The following RPS6KA2 variants were observed in gnomAD, a reference collection of about 807,000 sequenced individuals.
RPS6KA2 encodes ribosomal protein S6 kinase alpha-2.
A neutral mutation model predicts 91.8 loss-of-function variants in RPS6KA2; 42 were observed. That is an observed-to-expected ratio of 0.46 (90% CI 0.36 to 0.59). The LOEUF is 0.59. Among genes scored for constraint, RPS6KA2 ranks in the 20% least tolerant of loss-of-function variants. The probability of loss-of-function intolerance (pLI) is 0.00; values close to 1 mark genes in which losing one functional copy is unlikely to be tolerated. For missense variants in RPS6KA2, 798 were observed against 978.5 expected (o/e 0.82, Z 2.46); for synonymous variants, 414 against 393.6 (o/e 1.05, Z -0.61).
intron 2 of RPS6KA2, among the ~76,000 whole-genome samples, chr6:166,716,295 G>A (rs1272691988): frequency 5.3e-5 from 8 of 152,078 alleles, no homozygotes; most frequent in Admixed American, 2.0e-4. Flanking sequence ...TAAGCTATGC[G>A]GACATTTAAG....
rs567116867 is a variant in RPS6KA2 at position 166,725,359 on chromosome 6, G to A, written c.123+132841C>T. On this transcript the variant is annotated intron_variant, in intron 2 of 21. Transcript: ENST00000503859. The stretch of plus-strand genomic sequence containing the variant: ...TTTTTCTCTTTAAAAATTCCATTTG[G>A]GAACAAAATGTAAATATTATAATGA... Among the ~76,000 whole-genome samples the A allele has an allele frequency of 2.6e-5, 4 of 152,228 alleles. No individual in the cohort carries two copies. In the South Asian group the frequency reaches 8.3e-4, roughly 32 times the overall value.
chr6:166,718,390 C>G (rs970213037), intron 2 of RPS6KA2, among the ~76,000 whole-genome samples: 1 of 152,094 alleles, frequency 6.6e-6, no homozygotes, highest in Non-Finnish European at 1.5e-5. Context: ...TTCCAAGGCA[C>G]CCCTAAACTA....
chr6:166,414,239 C>T (rs1390148274), intron 19 of RPS6KA2, among the ~76,000 whole-genome samples: 1 of 152,178 alleles, frequency 6.6e-6, no homozygotes, highest in Non-Finnish European at 1.5e-5. Context: ...TTTCTTGTAA[C>T]AATTATATCT....
At chr6:166,442,207 C>T (rs1562496006) in intron 14 of RPS6KA2, among the ~76,000 whole-genome samples, 1 of 152,236 alleles carries the variant, frequency 6.6e-6, no homozygotes, top group South Asian at 2.1e-4. Flanking sequence ...GAAGCCCAGC[C>T]TTACTGCCCA....
chr6:166,544,418 G>T lies in RPS6KA2; in HGVS notation c.100-5634C>A, dbSNP rs566307024. 3.9e-5 allele frequency among the ~76,000 whole-genome samples: 6 copies of T among 152,250 alleles called. No homozygotes were observed. In the East Asian group the frequency reaches 7.7e-4, roughly 20 times the overall value. On this transcript the variant is annotated intron_variant, in intron 1 of 20. Coordinates refer to ENST00000265678, the MANE Select transcript of RPS6KA2 (RefSeq NM_021135.6). ...CGGCACGACTCCTGATAGCTCGTGG[G>T]TCCTCGGCCTTTGGTTACCAGGAAA...
rs1779818536 is a variant in RPS6KA2 at position 166,449,954 on chromosome 6, TACAGGGACCACCATGGAGACCACC to T, written c.1206+1125_1207-1106del. Among the ~76,000 whole-genome samples the T allele has an allele frequency of 8.8e-5, 12 of 136,484 alleles. No homozygotes were observed. The South Asian group carries it at 2.9e-3, about 33-fold the overall frequency. 89.5% of individuals were successfully genotyped at this position (136,484 alleles called of 152,430 possible). The stretch of plus-strand genomic sequence containing the variant: ...CCACAGGGACCACCACAGGAACCAC[TACAGGGACCACCATGGAGACCACC>T]ACAGGGACCGCCATGGGAACCACCA... On this transcript the variant is annotated intron_variant, in intron 13 of 20. Transcript: ENST00000265678.
intron 2 of RPS6KA2, among the ~76,000 whole-genome samples, chr6:166,831,350 T>C (rs1415519297): frequency 1.3e-5 from 2 of 152,168 alleles, no homozygotes; most frequent in Admixed American, 1.3e-4. Flanking sequence ...AGGTCCACAG[T>C]GGGTCCGTGG....
At chr6:166,658,216 G>A (rs1788056303) in intron 2 of RPS6KA2, among the ~76,000 whole-genome samples, 1 of 152,106 alleles carries the variant, frequency 6.6e-6, no homozygotes, top group Non-Finnish European at 1.5e-5. Context: ...ATTTGTGTTG[G>A]GGGTGGCACC....
intron 2 of RPS6KA2, among the ~76,000 whole-genome samples, chr6:166,799,937 A>G (rs1779320592): frequency 6.6e-6 from 1 of 152,130 alleles, no homozygotes; most frequent in South Asian, 2.1e-4. Context: ...CCCCAGTAAC[A>G]GGTCATGGCT....
rs1790584613 is a variant in RPS6KA2 at position 166,733,267 on chromosome 6, CA to C, written c.123+124932del. Among the ~76,000 whole-genome samples, 1 of 152,326 alleles carries C rather than the reference CA, an allele frequency of 6.6e-6. No individual in the cohort carries two copies. The highest frequency in any genetic ancestry group is 1.5e-5 in the Non-Finnish European group (1 of 68,022). On this transcript the variant is annotated intron_variant, in intron 2 of 21. Coordinates refer to the RPS6KA2 transcript ENST00000503859. The surrounding 1 kb of genome is among the most constrained non-coding windows in gnomAD (Gnocchi z 4.1). The stretch of plus-strand genomic sequence containing the variant: ...AGAGTCCTGTGGACGGCACTGTTCC[CA>C]AAGTCACAGACCCTTTATGGACATG...
intron 1 of RPS6KA2, among the ~76,000 whole-genome samples, chr6:166,543,035 A>C (rs1291006964): frequency 1.3e-5 from 2 of 152,188 alleles, no homozygotes; most frequent in African/African-American, 4.8e-5. Flanking sequence ...AATGTGGAAA[A>C]GAACGTATCT....
chr6:166,492,254 G>C (rs1781614453), intron 8 of RPS6KA2, among the ~76,000 whole-genome samples: 1 of 152,060 alleles, frequency 6.6e-6, no homozygotes, highest in Non-Finnish European at 1.5e-5. Flanking sequence ...GTAAGTGAGG[G>C]AACTCAGAGC....
At chr6:166,746,537 T>C (rs1248166273) in intron 2 of RPS6KA2, among the ~76,000 whole-genome samples, 1 of 152,228 alleles carries the variant, frequency 6.6e-6, no homozygotes, top group Non-Finnish European at 1.5e-5. Flanking sequence ...TGTCCTTTAA[T>C]TCAATTCGAA....
intron 1 of RPS6KA2, among the ~76,000 whole-genome samples, chr6:166,559,329 T>C (rs1342342887): frequency 3.3e-5 from 5 of 152,106 alleles, no homozygotes; most frequent in African/African-American, 1.2e-4. Flanking sequence ...CAGGAGAAAA[T>C]ACATGGGTAG....
chr6:166,636,112 G>A (rs1787233904), intron 2 of RPS6KA2, among the ~76,000 whole-genome samples: 1 of 151,952 alleles, frequency 6.6e-6, no homozygotes, highest in Non-Finnish European at 1.5e-5. Flanking sequence ...ACCACCTACC[G>A]CCCATCCCGC....
rs575301968 is a variant in RPS6KA2, at chr6:166,500,978, C to A, written c.567-54G>T. ...TTTAGAAAGAGACCCAGCCTGCCGA[C>A]GGGCACGCAGAGCTCAGAGGAGAGC... On this transcript the variant is annotated intron_variant, in intron 6 of 20. Transcript: ENST00000265678. The surrounding 1 kb of genome is among the most constrained non-coding windows in gnomAD (Gnocchi z 4.3). 19 of 1,559,138 alleles carry A rather than the reference C, an allele frequency of 1.2e-5. No individual in the cohort carries two copies. The highest frequency in any genetic ancestry group is 2.2e-5 in the East Asian group (1 of 44,516).
chr6:166,613,319 A>C (rs1786258211), intron 1 of RPS6KA2, among the ~76,000 whole-genome samples: 1 of 152,232 alleles, frequency 6.6e-6, no homozygotes, highest in African/African-American at 2.4e-5. Flanking sequence ...GAAAGTCTTT[A>C]AGACTTCAGT....
intron 12 of RPS6KA2, among the ~76,000 whole-genome samples, chr6:166,452,245 A>G (rs1779940586): frequency 6.6e-6 from 1 of 152,198 alleles, no homozygotes. Flanking sequence ...GCCAACTTTA[A>G]AATTTCAAAA....
In RPS6KA2 at chr6:166,603,129, A is replaced by G. The variant is rs193160801; in HGVS notation, c.99+23792T>C. ...CTGTTAAGTGTTAAGTTCTGACATG[A>G]GCTTAGTCTAAAAGGGATCTGGGCG... On this transcript the variant is annotated intron_variant, in intron 1 of 20. Transcript: ENST00000265678. The surrounding 1 kb of genome is among the most constrained non-coding windows in gnomAD (Gnocchi z 4.3). Among the ~76,000 whole-genome samples, 5 of 152,328 alleles carry G rather than the reference A, an allele frequency of 3.3e-5. No homozygotes were observed. Among genetic ancestry groups the G allele is most frequent in the Admixed American group, 3.3e-4 (5 of 15,304 alleles).
Sources: gnomAD v4.1 joint callset for allele counts (sites outside exome capture counted in the v4.1 genomes callset) on GRCh38, gnomAD v4.1.1 for gene constraint, Gnocchi (gnomAD v3.1) non-coding constraint, MANE v1.5 for transcripts, NCBI Gene and HGNC (gene_info 2026-07-23, HGNC 2026-07-21) for gene names.